The following CDK13 variants were observed in gnomAD, a reference collection of about 807,000 sequenced individuals.
The protein encoded by CDK13 is cyclin-dependent kinase 13.
A neutral mutation model predicts 137.6 loss-of-function variants in CDK13; 40 were observed. That is an observed-to-expected ratio of 0.29 (90% CI 0.23 to 0.38). CDK13 has a LOEUF of 0.38. Ranked by LOEUF, CDK13 falls within the 10% of genes least tolerant of loss-of-function variation. CDK13 has a pLI of 1.00. For synonymous variants in CDK13, 869 were observed against 760.1 expected, an observed-to-expected ratio of 1.14 and a Z score of -2.36; for missense variants, 1,704 against 1,951.8, an observed-to-expected ratio of 0.87 and a Z score of 2.39.
intron 5 of CDK13, among the ~76,000 whole-genome samples, chr7:40,032,919 C>T (rs1402399820): frequency 6.6e-6 from 1 of 152,104 alleles, no homozygotes; most frequent in Non-Finnish European, 1.5e-5. Context: ...GTTGATAATC[C>T]ACACAATAAC....
At chr7:39,959,814 C>G (rs541027989) in intron 1 of CDK13, among the ~76,000 whole-genome samples, 1 of 149,892 alleles carries the variant, frequency 6.7e-6, no homozygotes, top group Non-Finnish European at 1.5e-5. Flanking sequence ...CTTGCAAGAC[C>G]TACTTGTGTG....
chr7:40,097,541 C>T lies in CDK13; in HGVS notation c.*2561C>T, dbSNP rs567706271. Reference sequence around the variant, plus strand: ...TTCTGTAGGTTATAACAGCAGTCATCGCTGAAAATTTGAGTGAAATCTAAA... The same window carrying T: ...TTCTGTAGGTTATAACAGCAGTCATTGCTGAAAATTTGAGTGAAATCTAAA... On this transcript the variant is annotated 3_prime_UTR_variant, in exon 14 of 14. Coordinates refer to ENST00000181839, the MANE Select transcript of CDK13 (RefSeq NM_003718.5). 7 of 152,154 alleles carry T rather than the reference C, an allele frequency of 4.6e-5. No individual in the cohort carries two copies. Among genetic ancestry groups the T allele is most frequent in the South Asian group, 2.1e-4 (1 of 4,822 alleles). 9.4% of individuals were successfully genotyped at this position (152,154 alleles called of 1,614,324 possible).
At chr7:39,965,472 A>G (rs1418441870) in intron 1 of CDK13, among the ~76,000 whole-genome samples, 1 of 152,060 alleles carries the variant, frequency 6.6e-6, no homozygotes, top group Non-Finnish European at 1.5e-5. Flanking sequence ...TTTGCTTGGT[A>G]GATCTTCCTC....
intron 7 of CDK13, chr7:40,059,145 G>A (rs1786085274): frequency 6.6e-6 from 1 of 152,126 alleles, no homozygotes; most frequent in South Asian, 2.1e-4. Flanking sequence ...AATACTTCAA[G>A]GATCTAGGAT....
In CDK13 at chr7:40,096,257, A is replaced by G. The variant is rs142327632; in HGVS notation, c.*1277A>G. 94 of 152,338 alleles carry G rather than the reference A, an allele frequency of 6.2e-4. No homozygotes were observed. Among genetic ancestry groups the G allele is most frequent in the Middle Eastern group, 3.4e-3 (1 of 294 alleles). The allele number at this position is 152,338 out of a possible 1,614,324, so 9.4% of individuals were successfully genotyped here. On this transcript the variant is annotated 3_prime_UTR_variant, in exon 14 of 14. Coordinates refer to ENST00000181839, the MANE Select transcript of CDK13 (RefSeq NM_003718.5). Reference sequence around the variant, plus strand: ...TGAAGCAAAAAGAAAAGGCAATGAGAGAGAACTTTTATCTTCCTTCCTGTC... The same window carrying G: ...TGAAGCAAAAAGAAAAGGCAATGAGGGAGAACTTTTATCTTCCTTCCTGTC...
chr7:40,047,062 A>G (rs1785760222), intron 6 of CDK13, among the ~76,000 whole-genome samples: 1 of 151,906 alleles, frequency 6.6e-6, no homozygotes, highest in Non-Finnish European at 1.5e-5. Context: ...AATGCATATA[A>G]AATAATACTT....
At chr7:40,053,363 G>C (rs1421401973) in intron 7 of CDK13, among the ~76,000 whole-genome samples, 1 of 152,072 alleles carries the variant, frequency 6.6e-6, no homozygotes, top group African/African-American at 2.4e-5. Context: ...TTTAGTTAAA[G>C]GTTTCCAGTC....
intron 1 of CDK13, among the ~76,000 whole-genome samples, chr7:39,966,436 T>C (rs1176908460): frequency 6.6e-6 from 1 of 152,260 alleles, no homozygotes; most frequent in African/African-American, 2.4e-5. Flanking sequence ...CACGTAGTTC[T>C]TGTGCCTTGA....
At chr7:40,034,243 G>A (rs1785437473) in intron 5 of CDK13, among the ~76,000 whole-genome samples, 1 of 152,154 alleles carries the variant, frequency 6.6e-6, no homozygotes, top group Non-Finnish European at 1.5e-5. Flanking sequence ...GGAGCTTTCT[G>A]CAGTTGTAAG....
At position 40,075,740 on chromosome 7, in the gene CDK13, G is replaced by A. The variant is rs542550441; in HGVS notation, c.2781-2265G>A. On this transcript the variant is annotated intron_variant, in intron 9 of 13. Coordinates refer to ENST00000181839, the MANE Select transcript of CDK13 (RefSeq NM_003718.5). ...AACTGTATTGTGGACTGGGTGCAGC[G>A]GCCCATGCTTGTAATCCCAACACTT... 1.2e-4 allele frequency among the ~76,000 whole-genome samples: 19 copies of A among 152,232 alleles called. 1 individual carries two copies. The South Asian group carries it at 3.5e-3, about 28-fold the overall frequency.
rs1787318086 is a variant in CDK13 at position 39,953,812 on chromosome 7, GC to G, written c.1211+1962del. Among the ~76,000 whole-genome samples, 3 of 152,292 alleles carry G rather than the reference GC, an allele frequency of 2.0e-5. No individual in the cohort carries two copies. The South Asian group carries it at 6.2e-4, about 32-fold the overall frequency. On this transcript the variant is annotated intron_variant, in intron 1 of 13. Coordinates refer to ENST00000181839, the MANE Select transcript of CDK13 (RefSeq NM_003718.5). Reference sequence around the variant, plus strand: ...GCTGACAGATGGCCATTTGGTATGTGCCTGAAATACATCTAGAGGTGGGAAG... The same window carrying G: ...GCTGACAGATGGCCATTTGGTATGTGCTGAAATACATCTAGAGGTGGGAAG...
At chr7:40,014,468 T>A (rs1351303996) in intron 5 of CDK13, among the ~76,000 whole-genome samples, 2 of 149,972 alleles carry the variant, frequency 1.3e-5, no homozygotes, top group East Asian at 3.9e-4. Flanking sequence ...TTTTTTTTTT[T>A]TTTGAGATGG....
intron 7 of CDK13, among the ~76,000 whole-genome samples, chr7:40,057,620 C>T (rs893221323): frequency 6.6e-6 from 1 of 152,088 alleles, no homozygotes; most frequent in Admixed American, 6.5e-5. Context: ...GTATCTGCCA[C>T]GAATGGTGAG....
chr7:40,025,550 C>G (rs1192887832), intron 5 of CDK13, among the ~76,000 whole-genome samples: 5 of 152,162 alleles, frequency 3.3e-5, no homozygotes, highest in Admixed American at 2.6e-4. Flanking sequence ...TATATTAATT[C>G]AGATAATTTC....
chr7:39,967,718 G>GTC lies in CDK13; in HGVS notation c.1211+15869_1211+15870dup, dbSNP rs372058381. ...ACATTCATACCAGCAGTGCACAAGG[G>GTC]TCTCCTTTTCTGTATACACTTGCCA... On this transcript the variant is annotated intron_variant, in intron 1 of 13. Coordinates refer to ENST00000181839, the MANE Select transcript of CDK13 (RefSeq NM_003718.5). Among the ~76,000 whole-genome samples, 84 of 152,206 alleles carry GTC rather than the reference G, an allele frequency of 5.5e-4. 1 individual carries two copies. The highest frequency in any genetic ancestry group is 1.9e-3 in the African/African-American group (80 of 41,520).
Position 39,950,622 on chromosome 7 carries a change from T to C in CDK13, c.-20T>C, listed in dbSNP as rs1167015026. On this transcript the variant is annotated 5_prime_UTR_variant, in exon 1 of 14. Coordinates refer to ENST00000181839, the MANE Select transcript of CDK13 (RefSeq NM_003718.5). ...GGAGGAGGCCGCACCCGCGCCGCGC[T>C]CTGCGGCTGGCTCTAGGCGATGCCG... 1.8e-5 allele frequency: 23 copies of C among 1,288,612 alleles called. No individual in the cohort carries two copies. Among genetic ancestry groups the C allele is most frequent in the Non-Finnish European group, 2.2e-5 (22 of 1,018,548 alleles). 79.8% of individuals were successfully genotyped at this position (1,288,612 alleles called of 1,614,324 possible).
chr7:40,004,757 T>G (rs1031445330), intron 5 of CDK13, among the ~76,000 whole-genome samples: 1 of 152,120 alleles, frequency 6.6e-6, no homozygotes, highest in Non-Finnish European at 1.5e-5. Context: ...AAGCAAAAGT[T>G]AAACAATGTA....
chr7:40,071,581 C>A (rs533857568), intron 9 of CDK13: 15 of 152,266 alleles, frequency 9.9e-5, no homozygotes, highest in Admixed American at 6.5e-4. Flanking sequence ...TTCTGTCTTA[C>A]ACTTTGAATG....
chr7:40,001,854 T>A lies in CDK13; in HGVS notation c.2183-7T>A, dbSNP rs750743833. ...TGGTAACCTGATTTTATTAAATTCCTTAATAGGAGAAATGGTAGCCTTAAA... is the reference window on the plus strand; with the variant it reads ...TGGTAACCTGATTTTATTAAATTCCATAATAGGAGAAATGGTAGCCTTAAA... On this transcript the variant is annotated splice_polypyrimidine_tract_variant and splice_region_variant and intron_variant, in intron 4 of 13. Transcript: ENST00000181839. The A allele has an allele frequency of 6.4e-7, 1 of 1,570,682 alleles. No homozygotes were observed. The highest frequency in any genetic ancestry group is 8.7e-7 in the Non-Finnish European group (1 of 1,147,106).
Sources: allele counts gnomAD v4.1 joint callset (sites outside exome capture counted in the v4.1 genomes callset), GRCh38; gene constraint gnomAD v4.1.1; transcripts MANE v1.5; gene names NCBI Gene and HGNC (gene_info 2026-07-23, HGNC 2026-07-21).